Variants in SP1 observed in about 807,000 individuals in gnomAD.
The protein encoded by SP1 is Sp1 transcription factor.
In SP1, 6 loss-of-function variants were observed where a neutral mutation model predicts 66.3. The ratio of observed to expected loss-of-function variants is 0.09; its 90% confidence interval spans 0.05 to 0.18. The LOEUF (loss-of-function observed/expected upper bound fraction) is 0.18, where lower values mean the gene tolerates loss of function less well. SP1 is among the 10% of genes least tolerant of loss of function. The pLI is 1.00. For missense variants in SP1, 848 were observed against 964.5 expected (o/e 0.88, Z 1.60); for synonymous variants, 417 against 360.8 (o/e 1.16, Z -1.77).
intron 3 of SP1, among the ~76,000 whole-genome samples, chr12:53,395,683 C>G (rs575039349): frequency 6.6e-6 from 1 of 151,884 alleles, no homozygotes; most frequent in East Asian, 1.9e-4. Context: ...AAGGTTGCTG[C>G]TAGGCCGGGC....
rs1275541625 is a variant in SP1 at position 53,383,508 on chromosome 12, G to C, written c.1561G>C (p.Ala521Pro). The C allele has an allele frequency of 2.5e-6, 4 of 1,614,150 alleles. No individual in the cohort carries two copies. The highest frequency in any genetic ancestry group is 2.2e-5 in the South Asian group (2 of 91,080). ...IPAGTVTVNA[A>P]QLSSMPGLQT... Reference sequence around the variant, plus strand: ...TGCTGGCACAGTCACTGTGAATGCTGCTCAACTCTCCTCCATGCCAGGCCT... The same window carrying C: ...TGCTGGCACAGTCACTGTGAATGCTCCTCAACTCTCCTCCATGCCAGGCCT... The change falls in exon 3 of 6, where the codon GCT (alanine) becomes CCT (proline). Residue 521 changes from alanine to proline, a missense_variant. Coordinates refer to ENST00000327443, the MANE Select transcript of SP1 (RefSeq NM_138473.3).
intron 3 of SP1, among the ~76,000 whole-genome samples, chr12:53,395,857 C>A (rs1938476065): frequency 6.6e-6 from 1 of 151,980 alleles, no homozygotes; most frequent in African/African-American, 2.4e-5. Flanking sequence ...CATGGTGGCT[C>A]ACGCCTGTAA....
chr12:53,405,815 A>G (rs1191343456), intron 3 of SP1, among the ~76,000 whole-genome samples: 4 of 152,098 alleles, frequency 2.6e-5, no homozygotes, highest in African/African-American at 9.7e-5. Flanking sequence ...TGATAGGTGA[A>G]AAATTACAAA....
intron 3 of SP1, among the ~76,000 whole-genome samples, chr12:53,400,633 G>A (rs1030076891): frequency 2.6e-5 from 4 of 151,922 alleles, no homozygotes; most frequent in Admixed American, 6.6e-5. Flanking sequence ...TTGCTCCGTC[G>A]CCCAGGCTGG....
intron 3 of SP1, among the ~76,000 whole-genome samples, chr12:53,406,361 G>A (rs925738677): frequency 6.6e-6 from 1 of 151,956 alleles, no homozygotes; most frequent in Admixed American, 6.6e-5. Flanking sequence ...GAACCACTGC[G>A]CCCAGCCACT....
Position 53,414,997 on chromosome 12 carries a change from T to C in SP1, c.*3757T>C, listed in dbSNP as rs1363899493. On this transcript the variant is annotated 3_prime_UTR_variant, in exon 6 of 6. Coordinates refer to ENST00000327443, the MANE Select transcript of SP1 (RefSeq NM_138473.3). ...CCCCTCACTGAAGCTGGGTAGCCTATTGGGGTTGAGAGGGAAAATGTGAAA... is the reference window on the plus strand; with the variant it reads ...CCCCTCACTGAAGCTGGGTAGCCTACTGGGGTTGAGAGGGAAAATGTGAAA... The C allele has an allele frequency of 6.6e-6, 1 of 152,594 alleles. No homozygotes were observed. The highest frequency in any genetic ancestry group is 1.5e-5 in the Non-Finnish European group (1 of 68,044). The allele number at this position is 152,594 out of a possible 1,614,324, so 9.5% of individuals were successfully genotyped here.
Position 53,416,001 on chromosome 12 carries a change from TC to T in SP1, c.*4763del. 1 of 152,666 alleles carries T rather than the reference TC, an allele frequency of 6.6e-6. No individual in the cohort carries two copies. Among genetic ancestry groups the T allele is most frequent in the East Asian group, 1.9e-4 (1 of 5,202 alleles). 9.5% of individuals were successfully genotyped at this position (152,666 alleles called of 1,614,324 possible). On this transcript the variant is annotated 3_prime_UTR_variant, in exon 6 of 6. Coordinates refer to ENST00000327443, the MANE Select transcript of SP1 (RefSeq NM_138473.3). ...AGCTGCCCCAGGGCCTGCTTCCCCT[TC>T]CTAAGTCTGTCATCCTCTGGAAGGG...
At chr12:53,395,230 C>T (rs1938459430) in intron 3 of SP1, among the ~76,000 whole-genome samples, 1 of 152,078 alleles carries the variant, frequency 6.6e-6, no homozygotes, top group Non-Finnish European at 1.5e-5. Context: ...ATCCCAGCTA[C>T]TCCCAAGGCT....
intron 3 of SP1, among the ~76,000 whole-genome samples, chr12:53,385,314 G>T (rs1391761685): frequency 1.3e-5 from 2 of 148,752 alleles, no homozygotes; most frequent in Non-Finnish European, 3.0e-5. Flanking sequence ...AATAAAAGGC[G>T]GCCGGGCGCG....
intron 3 of SP1, among the ~76,000 whole-genome samples, chr12:53,404,609 G>C (rs949000209): frequency 2.6e-5 from 4 of 151,800 alleles, no homozygotes; most frequent in African/African-American, 9.7e-5. Flanking sequence ...GTTTGAAAAT[G>C]TCAAATGTGA....
At chr12:53,381,605 C>T (rs935392912) in intron 1 of SP1, 54 bp from the exon 2 acceptor site, 28 of 1,485,784 alleles carry the variant, frequency 1.9e-5, no homozygotes, top group Non-Finnish European at 2.6e-5. Context: ...ATCCTTCCTA[C>T]TTCATTTCTT....
chr12:53,393,972 T>C (rs1011157006), intron 3 of SP1, among the ~76,000 whole-genome samples: 4 of 149,870 alleles, frequency 2.7e-5, no homozygotes, highest in African/African-American at 9.8e-5. Flanking sequence ...CCAAGCACTT[T>C]GGGAGGCCGA....
At chr12:53,395,630 T>G (rs1478358460) in intron 3 of SP1, among the ~76,000 whole-genome samples, 12 of 152,114 alleles carry the variant, frequency 7.9e-5, no homozygotes, top group Admixed American at 7.9e-4. Flanking sequence ...TGAACATTTA[T>G]TATGTGCCAA....
At chr12:53,399,179 A>G (rs1003798474) in intron 3 of SP1, among the ~76,000 whole-genome samples, 2 of 152,168 alleles carry the variant, frequency 1.3e-5, no homozygotes, top group African/African-American at 4.8e-5. Flanking sequence ...TTTGTTTCCA[A>G]AATTTCACTG....
intron 3 of SP1, among the ~76,000 whole-genome samples, chr12:53,386,883 T>C (rs1387711534): frequency 1.3e-5 from 2 of 151,514 alleles, no homozygotes; most frequent in East Asian, 1.9e-4. Flanking sequence ...GGCACAATTA[T>C]ACAAATACGG....
intron 3 of SP1, among the ~76,000 whole-genome samples, chr12:53,391,346 CTTTTTTTTTTTT>C (rs71068117): frequency 1.0e-5 from 1 of 97,460 alleles, no homozygotes; most frequent in African/African-American, 3.9e-5. Flanking sequence ...TAAGTAATGT[CTTTTTTTTTTTT>C]TTTTTTTTTG....
chr12:53,402,469 G>A (rs542214878), intron 3 of SP1, among the ~76,000 whole-genome samples: 4 of 148,442 alleles, frequency 2.7e-5, no homozygotes, highest in Non-Finnish European at 4.5e-5. Context: ...TGATCCACCC[G>A]CCTCGGCCTC....
rs1938048198 is a variant in SP1, at chr12:53,380,205, G to A, written c.-87G>A. 1 of 1,000,852 alleles carries A rather than the reference G, an allele frequency of 1.0e-6. No individual in the cohort carries two copies. The highest frequency in any genetic ancestry group is 1.8e-5 in the Admixed American group (1 of 54,304). 62.0% of individuals were successfully genotyped at this position (1,000,852 alleles called of 1,614,324 possible). A position where few individuals can be genotyped will look rare whatever the true frequency, so the allele number is the denominator to read the frequency against. ...CCCCCTCCCTGTCCGGTCCGGGTTC[G>A]CTTGCCTCGTCAGCGTCCGCGTTTT... On this transcript the variant is annotated 5_prime_UTR_variant, in exon 1 of 6. Transcript: ENST00000327443.
chr12:53,394,740 G>A (rs1162089085), intron 3 of SP1, among the ~76,000 whole-genome samples: 6 of 147,894 alleles, frequency 4.1e-5, no homozygotes, highest in East Asian at 2.0e-4. Flanking sequence ...TCAGCCTCCC[G>A]AGTAGCTGGG....
Sources: allele counts gnomAD v4.1 joint callset (sites outside exome capture counted in the v4.1 genomes callset), GRCh38; gene constraint gnomAD v4.1.1; transcripts MANE v1.5; gene names NCBI Gene and HGNC (gene_info 2026-07-23, HGNC 2026-07-21).